KCNT2: variants seen among roughly 807,000 people sequenced by gnomAD.
KCNT2 encodes the protein potassium channel subfamily T member 2.
A neutral mutation model predicts 153.8 loss-of-function variants in KCNT2; 67 were observed. The ratio of observed to expected loss-of-function variants is 0.44; its 90% CI spans 0.36 to 0.53. The LOEUF is 0.53. KCNT2 is among the 20% of genes least tolerant of loss of function. The pLI is 0.00. For missense variants in KCNT2, 975 were observed against 1,354.8 expected (o/e 0.72, Z 4.40); for synonymous variants, 500 against 458.8 (o/e 1.09, Z -1.15).
intron 26 of KCNT2, among the ~76,000 whole-genome samples, chr1:196,243,583 C>A (rs1339125410): frequency 1.1e-4 from 16 of 152,062 alleles, no homozygotes. Context: ...TCAATGCTGC[C>A]CTGGAACAGT....
intron 8 of KCNT2, among the ~76,000 whole-genome samples, chr1:196,457,259 T>C (rs551637698): frequency 7.9e-5 from 12 of 151,678 alleles, no homozygotes; most frequent in Non-Finnish European, 1.5e-4. Flanking sequence ...ATAATAATAA[T>C]AATTTATTGG....
Position 196,370,157 on chromosome 1 carries a change from A to C in KCNT2, c.1403+2983T>G, listed in dbSNP as rs528852605. Among the ~76,000 whole-genome samples, 11 of 152,242 alleles carry C rather than the reference A, an allele frequency of 7.2e-5. No individual in the cohort carries two copies. The South Asian group carries it at 2.1e-3, about 29-fold the overall frequency. ...CTAGTTCAACCATTGTGGAAGAATAAATTTATTTTCATTGAGAATAAACTT... is the reference window on the plus strand; with the variant it reads ...CTAGTTCAACCATTGTGGAAGAATACATTTATTTTCATTGAGAATAAACTT... On this transcript the variant is annotated intron_variant, in intron 14 of 27. Coordinates refer to ENST00000294725, the MANE Select transcript of KCNT2 (RefSeq NM_198503.5).
At chr1:196,449,886 C>T (rs1255988935) in intron 8 of KCNT2, among the ~76,000 whole-genome samples, 10 of 151,542 alleles carry the variant, frequency 6.6e-5, no homozygotes. Context: ...TGTATGAATT[C>T]AGCATAAGTT....
chr1:196,582,385 T>C (rs567712565), intron 1 of KCNT2: 7 of 154,372 alleles, frequency 4.5e-5, no homozygotes, highest in Middle Eastern at 1.1e-3. Context: ...GATCCATGAA[T>C]AGATTTCAAC....
chr1:196,426,949 T>TC (rs1673707356), intron 10 of KCNT2, among the ~76,000 whole-genome samples: 1 of 151,918 alleles, frequency 6.6e-6, no homozygotes, highest in Non-Finnish European at 1.5e-5. Context: ...TCCTTAGGCC[T>TC]CCCCAGACAT....
intron 7 of KCNT2, among the ~76,000 whole-genome samples, chr1:196,467,347 A>G (rs571805930): frequency 9.2e-5 from 14 of 152,264 alleles, no homozygotes; most frequent in Admixed American, 5.2e-4. Flanking sequence ...ACAAGTTTTC[A>G]TTCTGAGTAA....
chr1:196,587,906 A>G (rs1214089729), intron 1 of KCNT2, among the ~76,000 whole-genome samples: 1 of 152,074 alleles, frequency 6.6e-6, no homozygotes, highest in Admixed American at 6.6e-5. Flanking sequence ...CTGCTCCCAA[A>G]TATCTAATTA....
intron 22 of KCNT2, among the ~76,000 whole-genome samples, chr1:196,293,835 C>G (rs1386669631): frequency 7.2e-6 from 1 of 138,092 alleles, no homozygotes; most frequent in Non-Finnish European, 1.6e-5. Flanking sequence ...GGGATTATAA[C>G]AAACTAAAAG....
At chr1:196,419,017 G>A (rs1672974956) in intron 12 of KCNT2, among the ~76,000 whole-genome samples, 1 of 152,080 alleles carries the variant, frequency 6.6e-6, no homozygotes, top group Non-Finnish European at 1.5e-5. Flanking sequence ...TCTCTCCTCT[G>A]TGCTGGATCC....
intron 26 of KCNT2, among the ~76,000 whole-genome samples, 167 bp from the exon 27 acceptor site, chr1:196,236,237 A>C (rs1654425646): frequency 6.6e-6 from 1 of 151,504 alleles, no homozygotes; most frequent in Non-Finnish European, 1.5e-5. Flanking sequence ...AATTGCTGTC[A>C]TTGAAAATAT....
chr1:196,370,953 T>C (rs1278994450), intron 14 of KCNT2, among the ~76,000 whole-genome samples: 2 of 152,086 alleles, frequency 1.3e-5, no homozygotes, highest in South Asian at 2.1e-4. Context: ...GGGTGACCAG[T>C]ACACTAGAAG....
intron 26 of KCNT2, among the ~76,000 whole-genome samples, chr1:196,243,124 T>C (rs1293604157): frequency 6.6e-6 from 1 of 152,200 alleles, no homozygotes. Flanking sequence ...AGCAGTTTTC[T>C]AGGAATAATA....
At position 196,258,200 on chromosome 1, in the gene KCNT2, C is replaced by CCA; in HGVS notation, c.3203_3204dup (p.Gly1069TrpfsTer6). 6.2e-7 allele frequency: 1 copy of CCA among 1,613,580 alleles called. No individual in the cohort carries two copies. Among genetic ancestry groups the CCA allele is most frequent in the Non-Finnish European group, 8.5e-7 (1 of 1,179,690 alleles). On this transcript the variant is annotated frameshift_variant, in exon 26 of 28. Transcript: ENST00000294725. LOFTEE classifies it high-confidence loss of function. ...TAGTTTTTAAAGAGCATACCATATCCCACTGTAGAAAGACCCAAGTGTTTC... is the reference window on the plus strand; with the variant it reads ...TAGTTTTTAAAGAGCATACCATATCCCACACTGTAGAAAGACCCAAGTGTTTC...
At position 196,472,950 on chromosome 1, in the gene KCNT2, T is replaced by G. The variant is rs186383623; in HGVS notation, c.385-3882A>C. ...GGCCTACTCTTCAGAACTATTCAGA[T>G]ACTTACAAAACAAAGACAAAAATGT... On this transcript the variant is annotated intron_variant, in intron 5 of 27. Coordinates refer to ENST00000294725, the MANE Select transcript of KCNT2 (RefSeq NM_198503.5). Among the ~76,000 whole-genome samples the G allele has an allele frequency of 5.1e-3, 775 of 152,248 alleles. 7 individuals carry two copies. Among genetic ancestry groups the G allele is most frequent in the Middle Eastern group, 0.02 (6 of 294 alleles).
Position 196,334,002 on chromosome 1 carries a change from C to T in KCNT2, c.1842G>A (p.Leu614=), listed in dbSNP as rs1356679513. ...TSCRSASGPT[L]SLPTEGSKEI... ...CTTTGCTTCCCTCTGTAGGAAGAGA[C>T]AGGGTAGGGCCACTTGCTGATCTAC... The change falls in exon 17 of 28, where the codon CTG becomes CTA. Residue 614 remains leucine (L), a synonymous_variant. Coordinates refer to ENST00000294725, the MANE Select transcript of KCNT2 (RefSeq NM_198503.5). 11 of 1,613,278 alleles carry T rather than the reference C, an allele frequency of 6.8e-6. No individual in the cohort carries two copies. Among genetic ancestry groups the T allele is most frequent in the Non-Finnish European group, 9.3e-6 (11 of 1,179,726 alleles).
At chr1:196,379,218 T>C (rs1669243492) in intron 13 of KCNT2, among the ~76,000 whole-genome samples, 1 of 151,960 alleles carries the variant, frequency 6.6e-6, no homozygotes, top group African/African-American at 2.4e-5. Flanking sequence ...AAATCTGTCA[T>C]TTTTTTTCCT....
intron 8 of KCNT2, 112 bp from the exon 9 acceptor site, chr1:196,429,869 T>G: frequency 1.6e-6 from 1 of 637,916 alleles, no homozygotes; most frequent in Admixed American, 3.4e-5. Context: ...TAATAGTCCC[T>G]CTTATATTTT....
Position 196,590,247 on chromosome 1 carries a change from C to A in KCNT2, c.95+17968G>T, listed in dbSNP as rs1308808159. Among the ~76,000 whole-genome samples the A allele has an allele frequency of 2.6e-5, 4 of 152,178 alleles. No individual in the cohort carries two copies. The East Asian group carries it at 7.7e-4, about 29-fold the overall frequency. ...TTCCCACACTTTTGACCGAGTATAGCTGTTCTTCACACAAGGCATTTAAAA... is the reference window on the plus strand; with the variant it reads ...TTCCCACACTTTTGACCGAGTATAGATGTTCTTCACACAAGGCATTTAAAA... On this transcript the variant is annotated intron_variant, in intron 1 of 27. Transcript: ENST00000294725.
intron 1 of KCNT2, among the ~76,000 whole-genome samples, chr1:196,565,304 G>A (rs1280797996): frequency 6.6e-6 from 1 of 151,776 alleles, no homozygotes; most frequent in Non-Finnish European, 1.5e-5. Context: ...GTGTTGGCTA[G>A]AATGTGGAGA....
Sources: gnomAD v4.1 joint callset for allele counts (sites outside exome capture counted in the v4.1 genomes callset) on GRCh38, gnomAD v4.1.1 for gene constraint, MANE v1.5 for transcripts, NCBI Gene and HGNC (gene_info 2026-07-23, HGNC 2026-07-21) for gene names.